CACNA1C: variants seen among roughly 807,000 people sequenced by gnomAD.
CACNA1C encodes the protein voltage-dependent L-type calcium channel subunit alpha-1C.
Under a neutral mutation model 229.0 loss-of-function variants are expected in CACNA1C, and 30 were observed. That is an observed-to-expected ratio of 0.13 (90% confidence interval 0.10 to 0.18). The LOEUF is 0.18. Among genes scored for constraint, CACNA1C ranks in the 10% least tolerant of loss-of-function variants. CACNA1C has a pLI of 1.00. For missense variants in CACNA1C, 1,658 were observed against 2,845.0 expected, an observed-to-expected ratio of 0.58 and a Z score of 9.49; for synonymous variants, 1,114 against 1,132.5, an observed-to-expected ratio of 0.98 and a Z score of 0.33.
intron 3 of CACNA1C, among the ~76,000 whole-genome samples, chr12:2,394,762 T>C (rs1047664844): frequency 1.3e-4 from 20 of 152,216 alleles, no homozygotes; most frequent in African/African-American, 4.8e-4. Flanking sequence ...GATCAGGAGC[T>C]AGAGCCCACG....
At chr12:2,065,161 T>G (rs1369812306) in intron 1 of CACNA1C, among the ~76,000 whole-genome samples, 1 of 152,224 alleles carries the variant, frequency 6.6e-6, no homozygotes, top group Non-Finnish European at 1.5e-5. Context: ...TCTGGCTGCC[T>G]GAGACATCCT....
At chr12:2,355,684 C>G (rs1361055515) in intron 3 of CACNA1C, among the ~76,000 whole-genome samples, 3 of 152,198 alleles carry the variant, frequency 2.0e-5, no homozygotes, top group African/African-American at 4.8e-5. Context: ...CCTATTACAG[C>G]TATGGCTTGC....
intron 3 of CACNA1C, among the ~76,000 whole-genome samples, chr12:2,446,362 G>C (rs939083807): frequency 1.4e-5 from 2 of 144,426 alleles, no homozygotes; most frequent in African/African-American, 5.2e-5. Context: ...GTATGTGTGT[G>C]GGTGGGTGGA....
At chr12:1,985,600 T>C (rs2037463769) in intron 1 of CACNA1C, among the ~76,000 whole-genome samples, 1 of 152,198 alleles carries the variant, frequency 6.6e-6, no homozygotes, top group Admixed American at 6.5e-5. Flanking sequence ...TGGCTACTGA[T>C]TTTTTCCTTG....
chr12:2,081,838 A>G (rs1005859224), intron 1 of CACNA1C, among the ~76,000 whole-genome samples: 1 of 152,198 alleles, frequency 6.6e-6, no homozygotes, highest in Non-Finnish European at 1.5e-5. Flanking sequence ...TATTTGAAAT[A>G]TTTCATAATT....
At chr12:2,036,959 C>T (rs1215530063) in intron 1 of CACNA1C, among the ~76,000 whole-genome samples, 1 of 152,202 alleles carries the variant, frequency 6.6e-6, no homozygotes, top group African/African-American at 2.4e-5. Flanking sequence ...AAAGGCTCCA[C>T]ACCAGCGGCA....
At position 2,373,286 on chromosome 12, in the gene CACNA1C, C is replaced by A. The variant is rs150943879; in HGVS notation, c.478-75690C>A. Among the ~76,000 whole-genome samples the A allele has an allele frequency of 4.8e-3, 725 of 152,298 alleles. 7 individuals are homozygous for A. The highest frequency in any genetic ancestry group is 0.022 in the South Asian group (105 of 4,816). ...CTGAGCTTCTCCATGTGGCAGGCTCCGTTCTAGACCCTGAGCACTGAATAA... is the reference window on the plus strand; with the variant it reads ...CTGAGCTTCTCCATGTGGCAGGCTCAGTTCTAGACCCTGAGCACTGAATAA... On this transcript the variant is annotated intron_variant, in intron 3 of 46. Transcript: ENST00000399655.
At chr12:2,074,226 T>G (rs1428059639) in intron 1 of CACNA1C, among the ~76,000 whole-genome samples, 1 of 152,180 alleles carries the variant, frequency 6.6e-6, no homozygotes, top group Admixed American at 6.5e-5. Context: ...TTCAGCTAGG[T>G]TGGTAAATCA....
chr12:2,400,601 C>T (rs929186908), intron 3 of CACNA1C, among the ~76,000 whole-genome samples: 3 of 152,210 alleles, frequency 2.0e-5, no homozygotes, highest in Admixed American at 6.5e-5. Context: ...ACGTGCTTAG[C>T]ATGGCATCTT....
Position 2,166,715 on chromosome 12 carries a change from A to G in CACNA1C, c.477+46285A>G, listed in dbSNP as rs563542815. Among the ~76,000 whole-genome samples, 25 of 152,364 alleles carry G rather than the reference A, an allele frequency of 1.6e-4. 1 individual carries two copies. Among genetic ancestry groups the G allele is most frequent in the Middle Eastern group, 3.4e-3 (1 of 294 alleles). ...CTTGGCATTGTGCCTGCCTCACACC[A>G]TACAGGCACTCAATAAAAGTTAGCT... On this transcript the variant is annotated intron_variant, in intron 3 of 46. Transcript: ENST00000399655.
At chr12:2,459,169 G>GTTTTTTTT (rs59909090) in intron 5 of CACNA1C, among the ~76,000 whole-genome samples, 12 of 109,432 alleles carry the variant, frequency 1.1e-4, no homozygotes, top group South Asian at 3.1e-4. Flanking sequence ...TTTTGTGTGT[G>GTTTTTTTT]TTTTTTTTTT....
intron 9 of CACNA1C, among the ~76,000 whole-genome samples, chr12:2,549,543 T>G (rs1380438828): frequency 6.6e-6 from 1 of 152,102 alleles, no homozygotes; most frequent in Non-Finnish European, 1.5e-5. Context: ...TGGGATGAAG[T>G]AAGGAAAATG....
intron 29 of CACNA1C, among the ~76,000 whole-genome samples, chr12:2,624,699 C>G (rs1410542134): frequency 6.6e-6 from 1 of 152,226 alleles, no homozygotes; most frequent in African/African-American, 2.4e-5. Flanking sequence ...CACAGCGCCC[C>G]GTGGTGGCCA....
chr12:2,298,892 G>T (rs996856849), intron 3 of CACNA1C, among the ~76,000 whole-genome samples: 12 of 152,206 alleles, frequency 7.9e-5, no homozygotes, highest in African/African-American at 2.9e-4. Context: ...CACTGTGCTG[G>T]AAACTGACTT....
In CACNA1C at chr12:2,694,823, G is replaced by T. The variant is rs1228885960; in HGVS notation, c.*3624G>T. ...TTTGGAAGTCACCCAAAAGATGGTG[G>T]CTACTTTATGGAGTCCTGAAGATAC... On this transcript the variant is annotated 3_prime_UTR_variant, in exon 47 of 47. Coordinates refer to ENST00000399655, the MANE Select transcript of CACNA1C (RefSeq NM_000719.7). The T allele has an allele frequency of 6.6e-6, 1 of 152,182 alleles. No individual in the cohort carries two copies. The highest frequency in any genetic ancestry group is 1.5e-5 in the Non-Finnish European group (1 of 68,038). 9.4% of individuals were successfully genotyped at this position (152,182 alleles called of 1,614,324 possible).
In CACNA1C at chr12:2,207,096, G is replaced by A. The variant is rs1294525565; in HGVS notation, c.477+86666G>A. Reference sequence around the variant, plus strand: ...GGACTTGCTTTGGGGATGTGTCTGGGCCCCAGGACCACATTCGAGGAGCAT... The same window carrying A: ...GGACTTGCTTTGGGGATGTGTCTGGACCCCAGGACCACATTCGAGGAGCAT... On this transcript the variant is annotated intron_variant, in intron 3 of 46. Transcript: ENST00000399655. Among the ~76,000 whole-genome samples, 5 of 152,274 alleles carry A rather than the reference G, an allele frequency of 3.3e-5. No individual in the cohort carries two copies. The East Asian group carries it at 5.8e-4, about 18-fold the overall frequency.
Position 2,059,763 on chromosome 12 carries a change from C to T in CACNA1C, c.49+6152C>T, listed in dbSNP as rs747937362. Among the ~76,000 whole-genome samples the T allele has an allele frequency of 5.3e-5, 8 of 152,124 alleles. No homozygotes were observed. The South Asian group carries it at 6.2e-4, about 12-fold the overall frequency. On this transcript the variant is annotated intron_variant, in intron 1 of 46. Transcript: ENST00000399655. ...TCATTTCCAGTTGAGAAAACAGAGG[C>T]CCCTAAAGGTTCATGGAGGCAGGGA...
chr12:2,601,104 C>T lies in CACNA1C; in HGVS notation c.2854-750C>T, dbSNP rs533359800. ...TTAGCCACTGAGCCTCATAGCCCCT[C>T]TGATCACACAACTTTTGCCCTTAAA... On this transcript the variant is annotated intron_variant, in intron 21 of 46. Coordinates refer to ENST00000399655, the MANE Select transcript of CACNA1C (RefSeq NM_000719.7). This position sits in a 1 kb window ranked among gnomAD's most constrained non-coding sequence, Gnocchi z 5.9. Among the ~76,000 whole-genome samples, 7 of 152,330 alleles carry T rather than the reference C, an allele frequency of 4.6e-5. No individual in the cohort carries two copies. Among genetic ancestry groups the T allele is most frequent in the African/African-American group, 1.4e-4 (6 of 41,570 alleles).
Position 2,610,706 on chromosome 12 carries a change from C to T in CACNA1C, c.3717+7C>T, listed in dbSNP as rs2077235663. On this transcript the variant is annotated splice_region_variant and intron_variant, in intron 28 of 46. Transcript: ENST00000399655. ...CATCTGCCTGGCCATGCAGGTCAGTCCCAGGAGGAGCACAGCCATGGTGCT... is the reference window on the plus strand; with the variant it reads ...CATCTGCCTGGCCATGCAGGTCAGTTCCAGGAGGAGCACAGCCATGGTGCT... 6.2e-7 allele frequency: 1 copy of T among 1,613,930 alleles called. No individual in the cohort carries two copies. The highest frequency in any genetic ancestry group is 8.5e-7 in the Non-Finnish European group (1 of 1,179,910).
Sources: gnomAD v4.1 joint callset for allele counts (sites outside exome capture counted in the v4.1 genomes callset) on GRCh38, gnomAD v4.1.1 for gene constraint, Gnocchi (gnomAD v3.1) non-coding constraint, MANE v1.5 for transcripts, NCBI Gene and HGNC (gene_info 2026-07-23, HGNC 2026-07-21) for gene names.